STAG1: variants seen among roughly 807,000 people sequenced by gnomAD.
The protein encoded by STAG1 is STAG1 cohesin complex component.
A neutral mutation model predicts 170.9 loss-of-function variants in STAG1; 26 were observed. The ratio of observed to expected loss-of-function variants is 0.15; its 90% CI spans 0.11 to 0.21. The LOEUF (loss-of-function observed/expected upper bound fraction) is 0.21, where lower values mean the gene tolerates loss of function less well. Among genes scored for constraint, STAG1 ranks in the 10% least tolerant of loss-of-function variants. The pLI is 1.00. For synonymous variants in STAG1, 514 were observed against 497.7 expected (o/e 1.03, Z -0.44); for missense variants, 964 against 1,509.5 (o/e 0.64, Z 5.99).
intron 7 of STAG1, among the ~76,000 whole-genome samples, chr3:136,516,556 G>A (rs1237671388): frequency 2.0e-5 from 3 of 151,740 alleles, no homozygotes; most frequent in South Asian, 2.1e-4. Context: ...CATGCTGTTC[G>A]TTTTCTTAAC....
At chr3:136,506,476 CAAAAAAAAA>C (rs11414654) in intron 7 of STAG1, among the ~76,000 whole-genome samples, 4 of 85,344 alleles carry the variant, frequency 4.7e-5, no homozygotes, top group Non-Finnish European at 7.2e-5. Context: ...ACTAAAAATA[CAAAAAAAAA>C]AAAAAAAAAA....
chr3:136,546,195 A>G (rs1936148396), intron 5 of STAG1, among the ~76,000 whole-genome samples: 1 of 152,224 alleles, frequency 6.6e-6, no homozygotes, highest in South Asian at 2.1e-4. Context: ...AAATAAGTTC[A>G]TATCAGTGCT....
At chr3:136,642,958 C>T (rs1940859382) in intron 1 of STAG1, among the ~76,000 whole-genome samples, 2 of 152,166 alleles carry the variant, frequency 1.3e-5, no homozygotes, top group Admixed American at 1.3e-4. Flanking sequence ...GCCTCTGTGT[C>T]ATCACACTGT....
chr3:136,359,319 A>G, intron 26 of STAG1, 23 bp from the exon 27 acceptor site: 1 of 1,535,428 alleles, frequency 6.5e-7, no homozygotes, highest in Non-Finnish European at 8.8e-7. Flanking sequence ...AAAAAAGAAG[A>G]AAAAACCTAT....
At chr3:136,523,031 G>A (rs921594611) in intron 6 of STAG1, among the ~76,000 whole-genome samples, 16 of 152,204 alleles carry the variant, frequency 1.1e-4, no homozygotes, top group Admixed American at 2.0e-4. Context: ...ATAAACATAC[G>A]TGTGCATAGG....
intron 1 of STAG1, among the ~76,000 whole-genome samples, chr3:136,730,594 GAACTATATATAGTTCAC>G (rs1933957943): frequency 6.6e-6 from 1 of 152,192 alleles, no homozygotes; most frequent in Non-Finnish European, 1.5e-5. Flanking sequence ...ATTATAATCA[GAACTATATATAGTTCAC>G]AACTCTCACT....
chr3:136,741,724 T>C (rs1934681406), intron 1 of STAG1, among the ~76,000 whole-genome samples: 1 of 152,232 alleles, frequency 6.6e-6, no homozygotes, highest in African/African-American at 2.4e-5. Flanking sequence ...TGCCTCGGCC[T>C]CCCAAAGTGC....
At chr3:136,545,634 G>A (rs1030063713) in intron 5 of STAG1, among the ~76,000 whole-genome samples, 9 of 150,564 alleles carry the variant, frequency 6.0e-5, no homozygotes, top group African/African-American at 1.8e-4. Flanking sequence ...GGTAAAGAAA[G>A]AGACACTTTG....
intron 4 of STAG1, among the ~76,000 whole-genome samples, chr3:136,592,640 A>G (rs937812493): frequency 6.6e-5 from 10 of 152,178 alleles, no homozygotes; most frequent in Admixed American, 2.0e-4. Context: ...CTACAATGCC[A>G]GCAACAATGG....
At chr3:136,544,751 C>T (rs1400562595) in intron 5 of STAG1, among the ~76,000 whole-genome samples, 1 of 92,858 alleles carries the variant, frequency 1.1e-5, no homozygotes, top group African/African-American at 4.0e-5. Context: ...GATGACAGAG[C>T]AAGACTCAAA....
At chr3:136,394,589 A>T (rs1033297805) in intron 22 of STAG1, among the ~76,000 whole-genome samples, 1 of 151,816 alleles carries the variant, frequency 6.6e-6, no homozygotes, top group Non-Finnish European at 1.5e-5. Context: ...TAGCCTGGGT[A>T]ATATGGTGAA....
At chr3:136,359,705 A>G (rs960038661) in intron 26 of STAG1, among the ~76,000 whole-genome samples, 2 of 152,124 alleles carry the variant, frequency 1.3e-5, no homozygotes, top group Admixed American at 6.6e-5. Context: ...AATTTTTAGC[A>G]GAGATCTTGG....
intron 5 of STAG1, among the ~76,000 whole-genome samples, chr3:136,566,806 T>G (rs1175842692): frequency 6.6e-6 from 1 of 152,196 alleles, no homozygotes; most frequent in Non-Finnish European, 1.5e-5. Context: ...ATTACAGTAC[T>G]CTCTGTAACA....
chr3:136,514,437 C>T (rs1468273177), intron 7 of STAG1, among the ~76,000 whole-genome samples: 3 of 152,132 alleles, frequency 2.0e-5, no homozygotes, highest in Non-Finnish European at 2.9e-5. Context: ...GATGTAGAGA[C>T]ATAGGAATGC....
chr3:136,539,061 G>A (rs1935773643), intron 6 of STAG1, among the ~76,000 whole-genome samples: 1 of 151,758 alleles, frequency 6.6e-6, no homozygotes, highest in Admixed American at 6.6e-5. Context: ...GTGAACCCAG[G>A]AGGCCGAGCT....
At chr3:136,363,312 G>A in intron 26 of STAG1, 54 bp downstream of exon 26, 1 of 915,764 alleles carries the variant, frequency 1.1e-6, no homozygotes, top group East Asian at 2.5e-5. Context: ...TAAGCACAGA[G>A]AAGTGCAATA....
intron 22 of STAG1, 129 bp from the exon 23 acceptor site, chr3:136,377,881 T>G: frequency 2.8e-6 from 2 of 702,008 alleles, no homozygotes; most frequent in Non-Finnish European, 4.9e-6. Context: ...AAATTTAATG[T>G]TGGGAACCAT....
intron 26 of STAG1, among the ~76,000 whole-genome samples, chr3:136,360,499 A>G (rs1409675335): frequency 6.6e-6 from 1 of 151,990 alleles, no homozygotes; most frequent in Non-Finnish European, 1.5e-5. Flanking sequence ...TCACCTCCCA[A>G]TCTCTCAATT....
intron 9 of STAG1, among the ~76,000 whole-genome samples, chr3:136,496,821 G>C (rs962432300): frequency 1.3e-5 from 2 of 150,958 alleles, no homozygotes; most frequent in African/African-American, 4.9e-5. Context: ...AAAAATAATA[G>C]AAAAATTCAA....
Sources: gnomAD v4.1 joint callset for allele counts (sites outside exome capture counted in the v4.1 genomes callset) on GRCh38, gnomAD v4.1.1 for gene constraint, MANE v1.5 for transcripts, NCBI Gene and HGNC (gene_info 2026-07-23, HGNC 2026-07-21) for gene names.